PLA2R1: variants seen among roughly 807,000 people sequenced by gnomAD.
PLA2R1 encodes the protein secretory phospholipase A2 receptor.
PLA2R1 carries 158 observed loss-of-function variants against 195.9 expected under a neutral mutation model. That is an observed-to-expected ratio of 0.81 (90% confidence interval 0.71 to 0.92). The LOEUF is 0.92. Ranked by LOEUF, PLA2R1 falls within the 40% of genes least tolerant of loss-of-function variation. The pLI is 0.00. For synonymous variants in PLA2R1, 586 were observed against 598.2 expected (o/e 0.98, Z 0.30); for missense variants, 1,626 against 1,764.6 (o/e 0.92, Z 1.41).
At chr2:160,058,413 C>T (rs1266793464) in intron 1 of PLA2R1, among the ~76,000 whole-genome samples, 1 of 152,150 alleles carries the variant, frequency 6.6e-6, no homozygotes, top group African/African-American at 2.4e-5. Flanking sequence ...TGAGTGTCCC[C>T]AGGCACTGAC....
chr2:160,059,866 G>A (rs941049633), intron 1 of PLA2R1, among the ~76,000 whole-genome samples: 5 of 152,176 alleles, frequency 3.3e-5, no homozygotes, highest in Non-Finnish European at 7.3e-5. Flanking sequence ...TCACTATCAC[G>A]AGAATAGCAT....
In PLA2R1 at chr2:160,041,732, T is replaced by C. The variant is rs1021867669; in HGVS notation, c.667+293A>G. Among the ~76,000 whole-genome samples, 5 of 152,228 alleles carry C rather than the reference T, an allele frequency of 3.3e-5. No homozygotes were observed. The East Asian group carries it at 9.6e-4, about 29-fold the overall frequency. ...GAAGTATCCAGCCAAGAAGCTGGGA[T>C]CAATGAGATCGCAGAGTATTTATAA... On this transcript the variant is annotated intron_variant, in intron 3 of 29. Coordinates refer to ENST00000283243, the MANE Select transcript of PLA2R1 (RefSeq NM_007366.5).
chr2:160,017,406 T>C (rs1692838236), intron 8 of PLA2R1, among the ~76,000 whole-genome samples: 1 of 152,246 alleles, frequency 6.6e-6, no homozygotes, highest in African/African-American at 2.4e-5. Context: ...GTGAGAGTGC[T>C]GACGCCTCTC....
intron 25 of PLA2R1, 137 bp downstream of exon 25, chr2:159,949,471 A>G: frequency 1.8e-6 from 1 of 569,758 alleles, no homozygotes; most frequent in Non-Finnish European, 3.1e-6. Flanking sequence ...GTTATTCTTT[A>G]CATCACCAAC....
intron 10 of PLA2R1, among the ~76,000 whole-genome samples, chr2:160,012,301 G>C (rs1446918550): frequency 6.6e-6 from 1 of 152,194 alleles, no homozygotes; most frequent in Non-Finnish European, 1.5e-5. Flanking sequence ...CCCAGGAGGA[G>C]TGGGTCTCCC....
intron 1 of PLA2R1, among the ~76,000 whole-genome samples, chr2:160,047,085 T>C (rs942437638): frequency 1.3e-5 from 2 of 152,254 alleles, no homozygotes; most frequent in Non-Finnish European, 2.9e-5. Context: ...TGCAACGTAC[T>C]GACTGTGCCT....
chr2:160,018,492 C>T (rs909561110), intron 8 of PLA2R1, among the ~76,000 whole-genome samples: 1 of 152,132 alleles, frequency 6.6e-6, no homozygotes, highest in African/African-American at 2.4e-5. Flanking sequence ...ATTAGCCAGG[C>T]ATGCTGGTGC....
intron 20 of PLA2R1, among the ~76,000 whole-genome samples, chr2:159,965,261 T>C (rs78362330): frequency 0.022 from 3,425 of 152,314 alleles, 53 homozygotes; most frequent in East Asian, 0.05. Context: ...TGTGCTATCA[T>C]ACAGAGAATT....
chr2:159,951,694 G>T (rs1257836679), intron 23 of PLA2R1, 116 bp from the exon 24 acceptor site: 1 of 656,442 alleles, frequency 1.5e-6, no homozygotes, highest in African/African-American at 1.8e-5. Flanking sequence ...GCTTTCTTCT[G>T]GAATTGACTG....
intron 12 of PLA2R1, among the ~76,000 whole-genome samples, chr2:159,984,765 G>T (rs1465724318): frequency 6.6e-6 from 1 of 152,162 alleles, no homozygotes; most frequent in East Asian, 1.9e-4. Context: ...TGGGGAAAGG[G>T]ACTGAAGACC....
At chr2:160,052,305 C>G (rs773048053) in intron 1 of PLA2R1, among the ~76,000 whole-genome samples, 7 of 152,194 alleles carry the variant, frequency 4.6e-5, no homozygotes, top group African/African-American at 7.2e-5. Flanking sequence ...GAGGGGTTAA[C>G]CCTTTCAGAC....
In PLA2R1 at chr2:160,042,111, C is replaced by A. The variant is rs759960475; in HGVS notation, c.581G>T (p.Arg194Leu). 1 of 1,614,048 alleles carries A rather than the reference C, an allele frequency of 6.2e-7. No homozygotes were observed. Among genetic ancestry groups the A allele is most frequent in the Admixed American group, 1.7e-5 (1 of 60,024 alleles). ...YNHQWHHECTREGREDDLLWC... is the reference protein window; with the variant it reads ...YNHQWHHECTLEGREDDLLWC... ...CAGTAAGTCATCTTCCCGACCTTCACGGGTACATTCATGATGCCACTGATG... is the reference window on the plus strand; with the variant it reads ...CAGTAAGTCATCTTCCCGACCTTCAAGGGTACATTCATGATGCCACTGATG... Residue 194 changes from arginine to leucine, a missense_variant, in exon 3 of 30, where the codon CGT (arginine) becomes CTT (leucine). Coordinates refer to ENST00000283243, the MANE Select transcript of PLA2R1 (RefSeq NM_007366.5).
At chr2:160,011,526 T>C (rs1573889479) in intron 10 of PLA2R1, among the ~76,000 whole-genome samples, 1 of 152,234 alleles carries the variant, frequency 6.6e-6, no homozygotes, top group East Asian at 1.9e-4. Context: ...ATATGAAAAA[T>C]AATTAACACA....
chr2:159,981,216 CGTGTGTGTGT>C (rs3061613), intron 13 of PLA2R1, among the ~76,000 whole-genome samples: 4 of 148,118 alleles, frequency 2.7e-5, no homozygotes, highest in Admixed American at 6.8e-5. Context: ...TATGTGCATA[CGTGTGTGTGT>C]GTGTGTGTGT....
intron 20 of PLA2R1, among the ~76,000 whole-genome samples, chr2:159,961,563 C>T (rs989426381): frequency 1.3e-5 from 2 of 152,164 alleles, no homozygotes; most frequent in African/African-American, 4.8e-5. Context: ...TTTTTTATAA[C>T]TCTGAGCTAC....
At chr2:160,048,333 A>G (rs1695009552) in intron 1 of PLA2R1, among the ~76,000 whole-genome samples, 1 of 152,224 alleles carries the variant, frequency 6.6e-6, no homozygotes, top group Non-Finnish European at 1.5e-5. Flanking sequence ...AGCTTTAGAA[A>G]AGTTCTTCAG....
chr2:159,965,012 C>T (rs1483333421), intron 20 of PLA2R1, among the ~76,000 whole-genome samples: 1 of 152,060 alleles, frequency 6.6e-6, no homozygotes, highest in Non-Finnish European at 1.5e-5. Flanking sequence ...GAGTGACAGA[C>T]TGAGAGTCCA....
intron 20 of PLA2R1, among the ~76,000 whole-genome samples, chr2:159,964,767 G>A (rs552086408): frequency 6.6e-6 from 1 of 150,404 alleles, no homozygotes; most frequent in East Asian, 1.9e-4. Flanking sequence ...TCACAGCAAA[G>A]TTAAGAGGAA....
At chr2:159,948,542 A>C (rs1687531061) in intron 25 of PLA2R1, among the ~76,000 whole-genome samples, 1 of 151,370 alleles carries the variant, frequency 6.6e-6, no homozygotes, top group South Asian at 2.1e-4. Context: ...CTTCCTTACA[A>C]GTTGAGAAGT....
Sources: gnomAD v4.1 joint callset for allele counts (sites outside exome capture counted in the v4.1 genomes callset) on GRCh38, gnomAD v4.1.1 for gene constraint, MANE v1.5 for transcripts, NCBI Gene and HGNC (gene_info 2026-07-23, HGNC 2026-07-21) for gene names.